Variants in SMIM35 observed in about 807,000 individuals in gnomAD.
The protein encoded by SMIM35 is small integral membrane protein 35.
chr11:118,079,057 G>A (rs762438386), intron 1 of SMIM35, among the ~76,000 whole-genome samples: 7 of 152,238 alleles, frequency 4.6e-5, no homozygotes, highest in Middle Eastern at 3.4e-3. Flanking sequence ...CTGGAGGAGC[G>A]GGGGAGGGCA....
intron 1 of SMIM35, among the ~76,000 whole-genome samples, chr11:118,026,026 C>T (rs1429002132): frequency 6.6e-6 from 1 of 152,092 alleles, no homozygotes. Context: ...GCCAGCTATC[C>T]CAGCACCATT....
chr11:118,048,956 A>AAAAAAAAAAAAAAAAC (rs1944160313), intron 1 of SMIM35, among the ~76,000 whole-genome samples: 1 of 151,168 alleles, frequency 6.6e-6, no homozygotes, highest in African/African-American at 2.4e-5. Context: ...CAAAAAAAAA[A>AAAAAAAAAAAAAAAAC]AAAAAAAAGC....
rs921961712 is a variant in SMIM35, at chr11:118,005,213, C to G, written c.*1197G>C. ...TCTTCCTAAGCTGCTCCCCAAGGCC[C>G]AGAATTTCTGAATACCGGTTCCCAA... On this transcript the variant is annotated 3_prime_UTR_variant, in exon 5 of 5. Transcript: ENST00000689828. 1 of 152,184 alleles carries G rather than the reference C, an allele frequency of 6.6e-6. No individual in the cohort carries two copies. The highest frequency in any genetic ancestry group is 2.4e-5 in the African/African-American group (1 of 41,418). 9.4% of individuals were successfully genotyped at this position (152,184 alleles called of 1,614,324 possible). A position where few individuals can be genotyped will look rare whatever the true frequency, so the allele number is the denominator to read the frequency against.
At chr11:118,007,805 C>T (rs1336385235) in intron 4 of SMIM35, among the ~76,000 whole-genome samples, 1 of 151,984 alleles carries the variant, frequency 6.6e-6, no homozygotes, top group Non-Finnish European at 1.5e-5. Flanking sequence ...AATAGCTCTG[C>T]AGATAAAAAC....
At position 118,065,707 on chromosome 11, in the gene SMIM35, T is replaced by C. The variant is rs370284333; in HGVS notation, c.7+21044A>G. Reference sequence around the variant, plus strand: ...TAATCAATGGGAAACCTCTAGAGGGTATTTAAGCCCCAGAAAATTCTGTAC... The same window carrying C: ...TAATCAATGGGAAACCTCTAGAGGGCATTTAAGCCCCAGAAAATTCTGTAC... On this transcript the variant is annotated intron_variant, in intron 1 of 4. Coordinates refer to ENST00000689828, the MANE Select transcript of SMIM35 (RefSeq NM_001394165.1). 7.9e-5 allele frequency among the ~76,000 whole-genome samples: 12 copies of C among 152,210 alleles called. No individual in the cohort carries two copies. The East Asian group carries it at 2.1e-3, about 27-fold the overall frequency.
chr11:118,028,861 A>T, intron 1 of SMIM35: 1 of 449,508 alleles, frequency 2.2e-6, no homozygotes, highest in Non-Finnish European at 4.5e-6. Context: ...AGGAGGAAGA[A>T]GAAGAAAAAA....
At chr11:118,018,344 T>C (rs1458683677) in intron 1 of SMIM35, among the ~76,000 whole-genome samples, 1 of 152,070 alleles carries the variant, frequency 6.6e-6, no homozygotes, top group African/African-American at 2.4e-5. Flanking sequence ...GTGTTAAGAA[T>C]TGACGAAGTA....
intron 1 of SMIM35, among the ~76,000 whole-genome samples, chr11:118,028,232 G>C (rs1565384254): frequency 6.6e-6 from 1 of 152,160 alleles, no homozygotes; most frequent in Admixed American, 6.5e-5. Context: ...TTACACACAG[G>C]CATGCTCATT....
intron 1 of SMIM35, among the ~76,000 whole-genome samples, chr11:118,067,975 C>T (rs983992472): frequency 2.1e-5 from 3 of 144,872 alleles, no homozygotes; most frequent in Non-Finnish European, 3.0e-5. Context: ...TCTATTTTTT[C>T]GCTATCCCAA....
intron 1 of SMIM35, among the ~76,000 whole-genome samples, chr11:118,035,571 G>A (rs1486952242): frequency 6.6e-6 from 1 of 152,172 alleles, no homozygotes; most frequent in African/African-American, 2.4e-5. Context: ...ACCTGCGTGG[G>A]TGGGGCATGC....
chr11:118,072,267 A>G (rs1182718459), intron 1 of SMIM35, among the ~76,000 whole-genome samples: 1 of 152,144 alleles, frequency 6.6e-6, no homozygotes, highest in Non-Finnish European at 1.5e-5. Flanking sequence ...AGGTGGGTGG[A>G]GCACCTGAGG....
chr11:118,007,855 T>C (rs2135009773), intron 4 of SMIM35, among the ~76,000 whole-genome samples: 1 of 151,902 alleles, frequency 6.6e-6, no homozygotes, highest in East Asian at 1.9e-4. Context: ...TCTTGATTTG[T>C]TTTTCAACTT....
At chr11:118,050,750 T>C (rs1010780581) in intron 1 of SMIM35, among the ~76,000 whole-genome samples, 9 of 152,242 alleles carry the variant, frequency 5.9e-5, no homozygotes, top group African/African-American at 2.2e-4. Flanking sequence ...TCAGAGGCTT[T>C]GGGGTTTTGT....
intron 1 of SMIM35, among the ~76,000 whole-genome samples, chr11:118,042,884 T>G (rs1012167084): frequency 6.6e-6 from 1 of 152,192 alleles, no homozygotes; most frequent in Admixed American, 6.5e-5. Flanking sequence ...ATCGTACCAG[T>G]AGAATTTTTT....
chr11:118,015,117 G>T (rs1341042169), intron 2 of SMIM35, among the ~76,000 whole-genome samples: 2 of 152,216 alleles, frequency 1.3e-5, no homozygotes, highest in African/African-American at 4.8e-5. Context: ...GCACATAGTA[G>T]GTGCTCAACA....
rs544168129 is a variant in SMIM35 at position 118,005,897 on chromosome 11, A to C, written c.*513T>G. ...AGGAGCTGGGCAGTAAGCAGATGGC[A>C]GGCAGTGGGCACTGCAGACGAGACT... is the stretch of plus-strand genomic sequence containing the variant. On this transcript the variant is annotated 3_prime_UTR_variant, in exon 5 of 5. Transcript: ENST00000689828. 3 of 152,564 alleles carry C rather than the reference A, an allele frequency of 2.0e-5. No homozygotes were observed. The East Asian group carries it at 5.8e-4, about 29-fold the overall frequency. The allele number at this position is 152,564 out of a possible 1,614,324, so 9.5% of individuals were successfully genotyped here.
chr11:118,044,565 C>T (rs1267776706), intron 1 of SMIM35, among the ~76,000 whole-genome samples: 1 of 151,878 alleles, frequency 6.6e-6, no homozygotes, highest in Non-Finnish European at 1.5e-5. Flanking sequence ...TTTTGGGAGG[C>T]TGAGGGTGGG....
intron 2 of SMIM35, 143 bp downstream of exon 2, chr11:118,015,550 G>A: frequency 2.5e-6 from 1 of 396,850 alleles, no homozygotes; most frequent in Non-Finnish European, 4.4e-6. Context: ...ACCCACTCAA[G>A]TCTTCAACCA....
Position 118,050,602 on chromosome 11 carries a change from C to T in SMIM35, c.8-34793G>A, listed in dbSNP as rs573933902. Among the ~76,000 whole-genome samples the T allele has an allele frequency of 7.2e-5, 11 of 152,348 alleles. 1 individual carries two copies. Among genetic ancestry groups the T allele is most frequent in the South Asian group, 6.2e-4 (3 of 4,830 alleles). ...GGCGGTCACCCATCCTGAGCACCCCCGCAGTCCTCCTGCCTCAAAGCCTCC... is the reference window on the plus strand; with the variant it reads ...GGCGGTCACCCATCCTGAGCACCCCTGCAGTCCTCCTGCCTCAAAGCCTCC... On this transcript the variant is annotated intron_variant, in intron 1 of 4. Coordinates refer to ENST00000689828, the MANE Select transcript of SMIM35 (RefSeq NM_001394165.1).
Sources: gnomAD v4.1 joint callset for allele counts (sites outside exome capture counted in the v4.1 genomes callset) on GRCh38, gnomAD v4.1.1 for gene constraint, MANE v1.5 for transcripts, NCBI Gene and HGNC (gene_info 2026-07-23, HGNC 2026-07-21) for gene names.